TSPAN10: variants seen among roughly 807,000 people sequenced by gnomAD.
TSPAN10 encodes tetraspanin-10.
In TSPAN10, 11 loss-of-function variants were observed where a neutral mutation model predicts 15.0. The observed-to-expected ratio is 0.73, with a 90% CI of 0.46 to 1.21. The LOEUF (loss-of-function observed/expected upper bound fraction) is 1.21. Ranked by LOEUF, TSPAN10 falls within the 50% of genes most tolerant of loss-of-function variation. The pLI is 0.00. For missense variants in TSPAN10, 486 were observed against 470.6 expected (o/e 1.03, Z -0.30); for synonymous variants, 241 against 226.2 (o/e 1.07, Z -0.59).
chr17:81,643,870 G>A (rs2036206716), intron 1 of TSPAN10, among the ~76,000 whole-genome samples: 1 of 152,086 alleles, frequency 6.6e-6, no homozygotes, highest in African/African-American at 2.4e-5. Flanking sequence ...CCAGGCTGGA[G>A]TGCAGTCACG....
At chr17:81,645,723 A>G in intron 2 of TSPAN10, 94 bp downstream of exon 3, 1 of 1,481,828 alleles carries the variant, frequency 6.7e-7, no homozygotes, top group Non-Finnish European at 9.2e-7. Context: ...ACACGTACAT[A>G]CTCATTCGTG....
exon 2 of TSPAN10, chr17:81,645,350 G>A (rs913767895): frequency 6.3e-7 from 1 of 1,586,154 alleles, no homozygotes; most frequent in African/African-American, 1.3e-5. Context: ...CTGGTGGTCA[G>A]CGCAGTGAGC....
upstream of TSPAN10, among the ~76,000 whole-genome samples, chr17:81,639,537 G>C (rs939956994): frequency 6.6e-6 from 1 of 151,846 alleles, no homozygotes; most frequent in Non-Finnish European, 1.5e-5. Context: ...CTGGAAGCTA[G>C]AATCCCAGAT....
At chr17:81,648,198 G>A (rs1455090483) in exon 3 of TSPAN10, 1 of 1,380,072 alleles carries the variant, frequency 7.2e-7, no homozygotes, top group Non-Finnish European at 9.3e-7. Flanking sequence ...CCCGCAGGGG[G>A]GCGGCGTACG....
At chr17:81,638,596 G>T (rs1316706995), upstream of TSPAN10, 1 of 152,342 alleles carries the variant, frequency 6.6e-6, no homozygotes, top group Non-Finnish European at 1.5e-5. Flanking sequence ...ACCGTGCCCG[G>T]CTGGGGATCC....
chr17:81,638,915 C>G (rs1319235974), upstream of TSPAN10: 1 of 152,170 alleles, frequency 6.6e-6, no homozygotes, highest in Non-Finnish European at 1.5e-5. Context: ...AATTTCTAAT[C>G]TTATGGCTAA....
At position 81,643,705 on chromosome 17, in the gene TSPAN10, C is replaced by G. The variant is rs188149758; in HGVS notation, c.36+1257C>G. Among the ~76,000 whole-genome samples the G allele has an allele frequency of 4.3e-4, 66 of 152,136 alleles. No individual in the cohort carries two copies. The East Asian group carries it at 0.013, about 29-fold the overall frequency. ...GGCTGAGGAGGAAGGATGGCTTGAG[C>G]CCAGGAGTTTGAGGCTGCAGTGAGC... On this transcript the variant is annotated intron_variant, in intron 1 of 2. Transcript: ENST00000611590.
intron 1 of TSPAN10, among the ~76,000 whole-genome samples, chr17:81,643,807 T>G (rs1358751111): frequency 1.3e-5 from 2 of 151,790 alleles, no homozygotes; most frequent in East Asian, 3.9e-4. Context: ...CACACAGCCA[T>G]GGCTGCTTTT....
upstream of TSPAN10, chr17:81,642,375 G>A (rs777234891): frequency 8.1e-6 from 13 of 1,613,260 alleles, no homozygotes; most frequent in South Asian, 5.5e-5. Flanking sequence ...AACCTCTCCC[G>A]GCGCCTGTGC....
Position 81,648,084 on chromosome 17 carries a change from G to A in TSPAN10, c.858G>A (p.Trp286Ter). 1 of 1,589,062 alleles carries A rather than the reference G, an allele frequency of 6.3e-7. No individual in the cohort carries two copies. The highest frequency in any genetic ancestry group is 8.5e-7 in the Non-Finnish European group (1 of 1,171,436). The stretch of plus-strand genomic sequence containing the variant: ...GCTGCGGCCCGCCGCTCCGGCGGTG[G>A]CTGCGCGCGAACCTGGCTGCCTCGG... The change falls in exon 3 of 3, where the codon TGG becomes TGA. Residue 286 changes from tryptophan to a stop codon, truncating the protein, a stop_gained. Transcript: ENST00000611590. LOFTEE classifies it low-confidence loss of function (END_TRUNC).
At chr17:81,643,208 T>G (rs549743723) in intron 1 of TSPAN10, among the ~76,000 whole-genome samples, 158 of 150,278 alleles carry the variant, frequency 1.1e-3, no homozygotes, top group Middle Eastern at 7.2e-3. Flanking sequence ...CCATGTTGGC[T>G]AGGATGGTCT....
chr17:81,639,036 G>C (rs560004509), upstream of TSPAN10: 2 of 152,116 alleles, frequency 1.3e-5, no homozygotes, highest in East Asian at 3.9e-4. Context: ...AGCGCCTCCC[G>C]AAGTTATTTC....
At chr17:81,645,621 G>A (rs1456144977) in exon 2 of TSPAN10, 1 of 1,612,252 alleles carries the variant, frequency 6.2e-7, no homozygotes, top group Non-Finnish European at 8.5e-7. Flanking sequence ...AGGACTGGCA[G>A]CAGAACCTGT....
At chr17:81,640,863 C>G (rs902671931), upstream of TSPAN10, among the ~76,000 whole-genome samples, 1 of 152,068 alleles carries the variant, frequency 6.6e-6, no homozygotes, top group African/African-American at 2.4e-5. Flanking sequence ...AGATGATGAT[C>G]GTTTCATTAA....
chr17:81,644,229 C>G (rs1000944261), intron 1 of TSPAN10, among the ~76,000 whole-genome samples: 5 of 152,152 alleles, frequency 3.3e-5, no homozygotes, highest in East Asian at 1.9e-4. Flanking sequence ...TCTTCCCCCA[C>G]AGAGAGAGAC....
chr17:81,643,877 C>T (rs1334964435), intron 1 of TSPAN10, among the ~76,000 whole-genome samples: 1 of 152,010 alleles, frequency 6.6e-6, no homozygotes, highest in Non-Finnish European at 1.5e-5. Flanking sequence ...GGAGTGCAGT[C>T]ACGCGATCTC....
At chr17:81,648,039 G>A (rs756521514) in exon 3 of TSPAN10, 1 of 1,598,376 alleles carries the variant, frequency 6.3e-7, no homozygotes, top group Admixed American at 1.7e-5. Flanking sequence ...ACGCAGCTCA[G>A]AGAGTGGTGT....
exon 3 of TSPAN10, chr17:81,648,125 C>T: frequency 3.2e-6 from 5 of 1,551,206 alleles, no homozygotes; most frequent in Middle Eastern, 1.9e-4. Context: ...TACGCAATCG[C>T]GGTGGTGCTG....
chr17:81,641,925 C>T (rs1283739841), upstream of TSPAN10, among the ~76,000 whole-genome samples: 2 of 152,118 alleles, frequency 1.3e-5, no homozygotes, highest in Non-Finnish European at 2.9e-5. Context: ...CTGTTTCATT[C>T]GTGCAGTGAA....
Sources: allele counts gnomAD v4.1 joint callset (sites outside exome capture counted in the v4.1 genomes callset), GRCh38; gene constraint gnomAD v4.1.1; transcripts MANE v1.5; gene names NCBI Gene and HGNC (gene_info 2026-07-23, HGNC 2026-07-21).